ATP2A1: variants seen among roughly 807,000 people sequenced by gnomAD.
ATP2A1 encodes sarcoplasmic/endoplasmic reticulum calcium ATPase 1.
A neutral mutation model predicts 109.5 loss-of-function variants in ATP2A1; 83 were observed. The ratio of observed to expected loss-of-function variants is 0.76; its 90% CI spans 0.63 to 0.91. ATP2A1 has a LOEUF of 0.91. ATP2A1 is among the 40% of genes least tolerant of loss of function. ATP2A1 has a pLI of 0.00. For missense variants in ATP2A1, 1,101 were observed against 1,341.0 expected, an observed-to-expected ratio of 0.82 and a Z score of 2.80; for synonymous variants, 505 against 537.6, an observed-to-expected ratio of 0.94 and a Z score of 0.84.
In ATP2A1 at chr16:28,903,802, G is replaced by C. The variant is rs114943103; in HGVS notation, c.*37+61G>C. ...TGCCCCTGCCACCCGCGCCCCCTCA[G>C]CCCCTTGCGCGTCGCATCCAAGGTC... is the stretch of plus-strand genomic sequence containing the variant. On this transcript the variant is annotated intron_variant, in intron 22 of 22. Coordinates refer to ENST00000395503, the MANE Select transcript of ATP2A1 (RefSeq NM_004320.6). This position sits in a 1 kb window ranked among gnomAD's most constrained non-coding sequence, Gnocchi z 5.6. The C allele has an allele frequency of 7.2e-4, 1,051 of 1,456,448 alleles. 7 individuals are homozygous for C. In the African/African-American group the frequency reaches 0.012, roughly 17 times the overall value. 90.2% of individuals were successfully genotyped at this position (1,456,448 alleles called of 1,614,324 possible).
Position 28,900,618 on chromosome 16 carries a change from A to G in ATP2A1, c.1802A>G (p.Asp601Gly). 1.3e-6 allele frequency: 2 copies of G among 1,588,128 alleles called. No homozygotes were observed. Among genetic ancestry groups the G allele is most frequent in the Non-Finnish European group, 1.7e-6 (2 of 1,164,686 alleles). ...LTFVGVVGML[D>G]PPRKEVTGSI... ...TTCGTGGGTGTAGTGGGCATGCTGGACCCTCCGCGCAAGGAGGTCACGGGC... is the reference window on the plus strand; with the variant it reads ...TTCGTGGGTGTAGTGGGCATGCTGGGCCCTCCGCGCAAGGAGGTCACGGGC... The change falls in exon 15 of 23, where the codon GAC (aspartate) becomes GGC (glycine). Residue 601 changes from aspartate (D) to glycine (G), a missense_variant. By Grantham distance (94) the Asp-to-Gly change is moderately conservative. Transcript: ENST00000395503.
At chr16:28,901,742 A>G in intron 15 of ATP2A1, 121 bp from the exon 16 acceptor site, 1 of 874,362 alleles carries the variant, frequency 1.1e-6, no homozygotes, top group South Asian at 1.5e-5. Flanking sequence ...GGATTGCTTG[A>G]GCCCAGGAGT....
chr16:28,900,494 C>T, intron 14 of ATP2A1, 87 bp from the exon 15 acceptor site: 5 of 656,394 alleles, frequency 7.6e-6, no homozygotes, highest in South Asian at 4.0e-5. Context: ...CCTGACCTTT[C>T]ACCCCATCCC....
At chr16:28,896,089 T>G (rs561968213) in intron 12 of ATP2A1, among the ~76,000 whole-genome samples, 37 of 152,206 alleles carry the variant, frequency 2.4e-4, no homozygotes, top group Admixed American at 5.9e-4. Flanking sequence ...GCCTTCCAAG[T>G]AGATGAAGCT....
Position 28,902,476 on chromosome 16 carries a change from GTCT to G in ATP2A1, c.2524+96_2525-96del. ...GCTCCCCCATGCAGGTGCTGAGAGG[GTCT>G]TCTTCCTTGGCCAGCCTGTCCATGG... On this transcript the variant is annotated intron_variant, in intron 17 of 22. Transcript: ENST00000395503. The surrounding 1 kb of genome is among the most constrained non-coding windows in gnomAD (Gnocchi z 4.8). 1 of 1,569,524 alleles carries G rather than the reference GTCT, an allele frequency of 6.4e-7. No homozygotes were observed. Among genetic ancestry groups the G allele is most frequent in the Middle Eastern group, 2.0e-4 (1 of 4,912 alleles).
At chr16:28,891,515 C>A (rs955875341) in intron 9 of ATP2A1, among the ~76,000 whole-genome samples, 4 of 143,650 alleles carry the variant, frequency 2.8e-5, no homozygotes, top group South Asian at 2.1e-4. Context: ...ATTGCTTGAA[C>A]CTGGAAGGCA....
chr16:28,890,314 AAATT>A lies in ATP2A1; in HGVS notation c.1095+1363_1095+1366del, dbSNP rs1256434142. Reference sequence around the variant, plus strand: ...TACCAAAAAAAAAAAAAAAAAAAAAAAATTAGCCTGATGTGGTGGTGCACACTTG... The same window carrying A: ...TACCAAAAAAAAAAAAAAAAAAAAAAAGCCTGATGTGGTGGTGCACACTTG... On this transcript the variant is annotated intron_variant, in intron 9 of 22. Coordinates refer to ENST00000395503, the MANE Select transcript of ATP2A1 (RefSeq NM_004320.6). Among the ~76,000 whole-genome samples, 589 of 150,918 alleles carry A rather than the reference AAATT, an allele frequency of 3.9e-3. 5 individuals are homozygous for A. Among genetic ancestry groups the A allele is most frequent in the South Asian group, 0.017 (78 of 4,710 alleles).
Position 28,898,232 on chromosome 16 carries a change from G to C in ATP2A1, c.1546-1G>C. 1.9e-6 allele frequency: 3 copies of C among 1,614,020 alleles called. No individual in the cohort carries two copies. The highest frequency in any genetic ancestry group is 1.7e-6 in the Non-Finnish European group (2 of 1,179,966). ...CTCTGAATGCTGTTCTGGTCTCCTA[G>C]GGTGCCCCTGAGGGCGTCATCGACC... On this transcript the variant is annotated splice_acceptor_variant, in intron 13 of 22. Transcript: ENST00000395503. LOFTEE classifies it high-confidence loss of function. This position sits in a 1 kb window ranked among gnomAD's most constrained non-coding sequence, Gnocchi z 4.0.
chr16:28,887,473 G>A lies in ATP2A1; in HGVS notation c.679G>A (p.Gly227Ser), dbSNP rs764372127. The A allele has an allele frequency of 2.1e-5, 34 of 1,613,964 alleles. No individual in the cohort carries two copies. The highest frequency in any genetic ancestry group is 3.3e-5 in the Admixed American group (2 of 59,994). Reference sequence around the variant, plus strand: ...GGCCTTGGGCATCGTGGCCACCACTGGTGTGGGCACCGAGATTGGGAAGAT... The same window carrying A: ...GGCCTTGGGCATCGTGGCCACCACTAGTGTGGGCACCGAGATTGGGAAGAT... ...GKALGIVATT[G>S]VGTEIGKIRD... Residue 227 changes from glycine (G) to serine (S), a missense_variant, in exon 8 of 23, where the codon GGT becomes AGT. Coordinates refer to ENST00000395503, the MANE Select transcript of ATP2A1 (RefSeq NM_004320.6).
chr16:28,904,018 T>TG lies in ATP2A1; in HGVS notation c.*38-153dup, dbSNP rs10718640. Among the ~76,000 whole-genome samples, 22,870 of 108,132 alleles carry TG rather than the reference T, an allele frequency of 0.21. 2,072 individuals carry two copies. Among genetic ancestry groups the TG allele is most frequent in the East Asian group, 0.29 (1,097 of 3,820 alleles). The allele number at this position is 108,132 out of a possible 152,430, so 70.9% of individuals were successfully genotyped here. ...GGCTGTCTTTGCTGTGGGGCTGCAG[T>TG]GGGGGGGGGCGGGGTGTCTGGGGAC... On this transcript the variant is annotated intron_variant, in intron 22 of 22. Transcript: ENST00000395503.
intron 2 of ATP2A1, 187 bp downstream of exon 2, chr16:28,879,303 C>G: frequency 1.1e-6 from 1 of 888,110 alleles, no homozygotes; most frequent in Non-Finnish European, 1.8e-6. Context: ...CTTGAAGCAG[C>G]CAACCCTTGA....
At position 28,882,485 on chromosome 16, in the gene ATP2A1, A is replaced by AG; in HGVS notation, c.361dup (p.Glu121GlyfsTer3). 6.2e-7 allele frequency: 1 copy of AG among 1,614,200 alleles called. No individual in the cohort carries two copies. The stretch of plus-strand genomic sequence containing the variant: ...GCAGAGAACGCCATCGAGGCCCTGA[A>AG]GGAGTATGAGCCAGAGATGGGGAAG... On this transcript the variant is annotated frameshift_variant, in exon 5 of 23. Coordinates refer to ENST00000395503, the MANE Select transcript of ATP2A1 (RefSeq NM_004320.6). LOFTEE classifies it high-confidence loss of function.
At chr16:28,901,595 T>G (rs563217250) in intron 15 of ATP2A1, among the ~76,000 whole-genome samples, 1 of 152,250 alleles carries the variant, frequency 6.6e-6, no homozygotes, top group East Asian at 1.9e-4. Context: ...ATTGCGCCAC[T>G]GCATTCCAGC....
chr16:28,882,482 TGAA>T lies in ATP2A1; in HGVS notation c.358_360del (p.Lys120del). The stretch of plus-strand genomic sequence containing the variant: ...AACGCAGAGAACGCCATCGAGGCCC[TGAA>T]GGAGTATGAGCCAGAGATGGGGAAG... On this transcript the variant is annotated inframe_deletion, in exon 5 of 23. Transcript: ENST00000395503. The T allele has an allele frequency of 6.2e-7, 1 of 1,614,136 alleles. No individual in the cohort carries two copies. The highest frequency in any genetic ancestry group is 8.5e-7 in the Non-Finnish European group (1 of 1,180,022).
chr16:28,900,929 AGGCAGC>A lies in ATP2A1; in HGVS notation c.2100+14_2100+19del. ...GATCACAGCCATGGTGAGAGGGCCCAGGCAGCTGCAGCCTTAGTGTCCACGGAGATG... is the reference window on the plus strand; with the variant it reads ...GATCACAGCCATGGTGAGAGGGCCCATGCAGCCTTAGTGTCCACGGAGATG... On this transcript the variant is annotated intron_variant, in intron 15 of 22. Coordinates refer to ENST00000395503, the MANE Select transcript of ATP2A1 (RefSeq NM_004320.6). 6.2e-7 allele frequency: 1 copy of A among 1,613,966 alleles called. No homozygotes were observed. Among genetic ancestry groups the A allele is most frequent in the Non-Finnish European group, 8.5e-7 (1 of 1,179,898 alleles).
chr16:28,879,937 G>C, intron 3 of ATP2A1: 1 of 955,192 alleles, frequency 1.0e-6, no homozygotes, highest in Non-Finnish European at 1.3e-6. Context: ...CTCCCGGCAT[G>C]CGCCGGGCGG....
In ATP2A1 at chr16:28,894,581, A is replaced by C. The variant is rs1339501645; in HGVS notation, c.1261A>C (p.Asn421His). The change falls in exon 11 of 23, where the codon AAT becomes CAT. Residue 421 changes from asparagine to histidine, a missense_variant. By Grantham distance (68) the Asn-to-His change is moderately conservative (BLOSUM62 1). Transcript: ENST00000395503. ...GCTGGCCACCATCTGTGCCCTCTGC[A>C]ATGACTCCTCCTTGGACTTCAACGA... is the stretch of plus-strand genomic sequence containing the variant. The part of the protein sequence containing the change: ...VELATICALC[N>H]DSSLDFNEAK... 2 of 1,614,052 alleles carry C rather than the reference A, an allele frequency of 1.2e-6. No individual in the cohort carries two copies. Among genetic ancestry groups the C allele is most frequent in the Non-Finnish European group, 1.7e-6 (2 of 1,180,006 alleles).
chr16:28,892,432 G>A (rs1963796342), intron 9 of ATP2A1: 1 of 287,156 alleles, frequency 3.5e-6, no homozygotes, highest in Non-Finnish European at 7.2e-6. Flanking sequence ...TCAGATCAGG[G>A]TGAGAAAGGC....
At chr16:28,879,331 C>T in intron 2 of ATP2A1, 170 bp from the exon 3 acceptor site, 2 of 847,462 alleles carry the variant, frequency 2.4e-6, no homozygotes, top group Non-Finnish European at 3.9e-6. Context: ...CCCACTTTGC[C>T]GAGTCTGTTT....
Sources: gnomAD v4.1 joint callset for allele counts (sites outside exome capture counted in the v4.1 genomes callset) on GRCh38, gnomAD v4.1.1 for gene constraint, Gnocchi (gnomAD v3.1) non-coding constraint, MANE v1.5 for transcripts, NCBI Gene and HGNC (gene_info 2026-07-23, HGNC 2026-07-21) for gene names.